CTSH: variants seen among roughly 807,000 people sequenced by gnomAD.
CTSH encodes the protein pro-cathepsin H.
CTSH carries 52 observed loss-of-function variants against 56.3 expected under a neutral mutation model. That is an observed-to-expected ratio of 0.92 (90% CI 0.74 to 1.16). CTSH has a LOEUF of 1.16. CTSH is among the 50% of genes most tolerant of loss of function. The pLI is 0.00. For synonymous variants in CTSH, 174 were observed against 155.7 expected, an observed-to-expected ratio of 1.12 and a Z score of -0.88; for missense variants, 406 against 424.5, an observed-to-expected ratio of 0.96 and a Z score of 0.38.
intron 7 of CTSH, 22 bp downstream of exon 7, chr15:78,931,429 C>T (rs200699294): frequency 4.2e-5 from 67 of 1,614,130 alleles, no homozygotes; most frequent in Admixed American, 1.7e-4. Context: ...AAGTTTTGGG[C>T]CCCTTCTGGT....
chr15:78,923,427 T>G (rs1240507632), intron 10 of CTSH, among the ~76,000 whole-genome samples: 5 of 152,178 alleles, frequency 3.3e-5, no homozygotes, highest in Non-Finnish European at 7.4e-5. Flanking sequence ...GTAGCCTGAT[T>G]ACAGGCGTGC....
At position 78,924,102 on chromosome 15, in the gene CTSH, G is replaced by A. The variant is rs192882686; in HGVS notation, c.807-984C>T. ...TGGGGGGGATCCAACCCAGCGGGGGGGGGGGGGAGGGTGGGCAGGGTGGGT... is the reference window on the plus strand; with the variant it reads ...TGGGGGGGATCCAACCCAGCGGGGGAGGGGGGGAGGGTGGGCAGGGTGGGT... On this transcript the variant is annotated intron_variant, in intron 10 of 11. Coordinates refer to ENST00000220166, the MANE Select transcript of CTSH (RefSeq NM_004390.5). Among the ~76,000 whole-genome samples, 63 of 126,632 alleles carry A rather than the reference G, an allele frequency of 5.0e-4. 3 individuals are homozygous for A. The highest frequency in any genetic ancestry group is 1.8e-3 in the African/African-American group (57 of 31,746). The allele number at this position is 126,632 out of a possible 152,430, so 83.1% of individuals were successfully genotyped here.
chr15:78,926,972 GTACA>G (rs909705007), intron 9 of CTSH: 4 of 152,294 alleles, frequency 2.6e-5, no homozygotes, highest in African/African-American at 7.2e-5. Context: ...TTTGTGAACT[GTACA>G]TACATTCGTG....
chr15:78,928,847 C>T (rs146633416), intron 8 of CTSH, among the ~76,000 whole-genome samples: 23 of 152,118 alleles, frequency 1.5e-4, no homozygotes, highest in Non-Finnish European at 3.1e-4. Flanking sequence ...AGAGGGGGAC[C>T]GGCCCAACAG....
At chr15:78,933,051 AGACACCCCT>A (rs544453236) in intron 5 of CTSH, among the ~76,000 whole-genome samples, 1 of 152,080 alleles carries the variant, frequency 6.6e-6, no homozygotes, top group East Asian at 1.9e-4. Flanking sequence ...AACCCCACCC[AGACACCCCT>A]GACACCCCAG....
chr15:78,945,030 G>T lies in CTSH; in HGVS notation c.-49C>A. ...TGCGCTCAGGGTCCGCGGAGGTGGC[G>T]GCCCAGAGCGTCAACTGGGAGCGCG... On this transcript the variant is annotated 5_prime_UTR_variant, in exon 1 of 12. Transcript: ENST00000220166. The T allele has an allele frequency of 6.9e-7, 1 of 1,440,012 alleles. No homozygotes were observed. The highest frequency in any genetic ancestry group is 1.3e-5 in the South Asian group (1 of 76,094). 89.2% of individuals were successfully genotyped at this position (1,440,012 alleles called of 1,614,324 possible). A position where few individuals can be genotyped will look rare whatever the true frequency, so the allele number is the denominator to read the frequency against.
chr15:78,928,066 T>A (rs2054952468), intron 8 of CTSH, among the ~76,000 whole-genome samples: 1 of 151,892 alleles, frequency 6.6e-6, no homozygotes, highest in African/African-American at 2.4e-5. Context: ...GGAGGCCGAG[T>A]CAGAGCCTGT....
intron 10 of CTSH, 34 bp from the exon 11 acceptor site, chr15:78,923,152 T>G (rs772813002): frequency 1.9e-6 from 3 of 1,611,400 alleles, no homozygotes; most frequent in Non-Finnish European, 2.5e-6. Context: ...GGTGATCATA[T>G]GGGAAGGATA....
chr15:78,943,790 GAA>G (rs963581182), intron 1 of CTSH, among the ~76,000 whole-genome samples: 2 of 152,252 alleles, frequency 1.3e-5, no homozygotes, highest in African/African-American at 4.8e-5. Context: ...GTCTTTCACA[GAA>G]AAAGTTTGCC....
At chr15:78,931,667 A>G (rs2141536146) in intron 6 of CTSH, 161 bp from the exon 7 acceptor site, 1 of 1,496,122 alleles carries the variant, frequency 6.7e-7, no homozygotes, top group East Asian at 2.5e-5. Context: ...CAGTTGCTGT[A>G]TGTCCTGCAG....
chr15:78,934,818 C>T, intron 5 of CTSH, 160 bp downstream of exon 5: 1 of 707,882 alleles, frequency 1.4e-6, no homozygotes, highest in Non-Finnish European at 2.6e-6. Context: ...TGCTGACCTC[C>T]CTGGCCCCTC....
intron 9 of CTSH, chr15:78,927,503 ACC>A: frequency 6.9e-6 from 4 of 575,866 alleles, no homozygotes; most frequent in Admixed American, 3.1e-5. Flanking sequence ...GGAGTTCAGA[ACC>A]AGAGGGCCTG....
chr15:78,925,435 G>A lies in CTSH; in HGVS notation c.705C>T (p.Asp235=), dbSNP rs149316890. The A allele has an allele frequency of 6.6e-5, 107 of 1,609,482 alleles. No individual in the cohort carries two copies. Among genetic ancestry groups the A allele is most frequent in the Non-Finnish European group, 7.3e-5 (86 of 1,175,940 alleles). ...CCACAGCCTCCACCATCGCTTCCTC[G>A]TCATACTGTGGAAACAGGACCGAGA... The part of the protein sequence containing the change: ...VKDVANITIY[D]EEAMVEAVAL... Residue 235 remains aspartate (D), a synonymous_variant, in exon 10 of 12, where the codon GAC becomes GAT. Coordinates refer to ENST00000220166, the MANE Select transcript of CTSH (RefSeq NM_004390.5).
At chr15:78,924,389 TG>T (rs1328212506) in intron 10 of CTSH, among the ~76,000 whole-genome samples, 1 of 151,414 alleles carries the variant, frequency 6.6e-6, no homozygotes, top group African/African-American at 2.4e-5. Flanking sequence ...TGGAACAGTG[TG>T]TGGGGGGTTA....
At chr15:78,941,568 G>A (rs962733696) in intron 1 of CTSH, among the ~76,000 whole-genome samples, 1 of 151,988 alleles carries the variant, frequency 6.6e-6, no homozygotes, top group Non-Finnish European at 1.5e-5. Flanking sequence ...TGAGACGGGC[G>A]GATCACGAGT....
In CTSH at chr15:78,932,388, C is replaced by T; in HGVS notation, c.476G>A (p.Gly159Glu). The change falls in exon 6 of 12, where the codon GGA becomes GAA. Residue 159 changes from glycine (G) to glutamate (E), a missense_variant. Transcript: ENST00000220166. ...ATTTCTTACCAAGGACAGCATCTTTCCGGTTGCGATGGCGATCGCAGACTC... is the reference window on the plus strand; with the variant it reads ...ATTTCTTACCAAGGACAGCATCTTTTCGGTTGCGATGGCGATCGCAGACTC... ...ALESAIAIAT[G>E]KMLSLAEQQL... 6.2e-7 allele frequency: 1 copy of T among 1,614,118 alleles called. No individual in the cohort carries two copies. The highest frequency in any genetic ancestry group is 1.1e-5 in the South Asian group (1 of 91,088).
At chr15:78,926,734 G>A (rs183133825) in intron 9 of CTSH, 2 of 152,274 alleles carry the variant, frequency 1.3e-5, no homozygotes, top group East Asian at 1.9e-4. Flanking sequence ...TCCTAGCTCT[G>A]TGGCCTTGGG....
chr15:78,927,397 G>GC, intron 9 of CTSH: 1 of 406,656 alleles, frequency 2.5e-6, no homozygotes, highest in South Asian at 2.8e-5. Context: ...GCTGTGTCAA[G>GC]CACGTGCTCA....
chr15:78,942,001 T>C (rs949991596), intron 1 of CTSH, among the ~76,000 whole-genome samples: 1 of 152,058 alleles, frequency 6.6e-6, no homozygotes, highest in Non-Finnish European at 1.5e-5. Flanking sequence ...TTTTCATGAG[T>C]GAATATTGTT....
Sources: allele counts gnomAD v4.1 joint callset (sites outside exome capture counted in the v4.1 genomes callset), GRCh38; gene constraint gnomAD v4.1.1; transcripts MANE v1.5; gene names NCBI Gene and HGNC (gene_info 2026-07-23, HGNC 2026-07-21).